KCNIP1: variants seen among roughly 807,000 people sequenced by gnomAD.
The protein encoded by KCNIP1 is potassium voltage-gated channel interacting protein 1, also known as A-type potassium channel modulatory protein KCNIP1.
KCNIP1 carries 18 observed loss-of-function variants against 33.0 expected under a neutral mutation model. The ratio of observed to expected loss-of-function variants is 0.55; its 90% CI spans 0.38 to 0.81. The LOEUF (loss-of-function observed/expected upper bound fraction) is 0.81. Ranked by LOEUF, KCNIP1 falls within the 30% of genes least tolerant of loss-of-function variation. The pLI is 0.00. For synonymous variants in KCNIP1, 93 were observed against 98.3 expected (o/e 0.95, Z 0.32); for missense variants, 238 against 271.6 (o/e 0.88, Z 0.87).
chr5:170,664,342 C>G (rs1184143552), intron 1 of KCNIP1, among the ~76,000 whole-genome samples: 1 of 152,156 alleles, frequency 6.6e-6, no homozygotes, highest in Non-Finnish European at 1.5e-5. Context: ...AGGCTCAGTT[C>G]CCCTCTTCAA....
chr5:170,678,232 G>A (rs1762215030), intron 1 of KCNIP1, among the ~76,000 whole-genome samples: 1 of 152,186 alleles, frequency 6.6e-6, no homozygotes, highest in Admixed American at 6.5e-5. Context: ...ACTCAGCTTG[G>A]GACATATGAG....
chr5:170,622,973 G>A (rs1012257000), intron 1 of KCNIP1, among the ~76,000 whole-genome samples: 13 of 152,232 alleles, frequency 8.5e-5, no homozygotes, highest in South Asian at 4.1e-4. Context: ...AAACTGTTCC[G>A]CCTCTGATCA....
chr5:170,557,111 A>T lies in KCNIP1; in HGVS notation c.61+52478A>T, dbSNP rs868399822. ...CCCATGCTCCAGTCCCAGCTCTGCC[A>T]CTTACTAACTGTGTGGCCTTGGCAA... On this transcript the variant is annotated intron_variant, in intron 1 of 7. Transcript: ENST00000328939. 5.3e-5 allele frequency among the ~76,000 whole-genome samples: 8 copies of T among 152,270 alleles called. No homozygotes were observed. The South Asian group carries it at 1.5e-3, about 28-fold the overall frequency.
chr5:170,605,296 C>T (rs1758863859), intron 1 of KCNIP1, among the ~76,000 whole-genome samples: 1 of 152,192 alleles, frequency 6.6e-6, no homozygotes, highest in Non-Finnish European at 1.5e-5. Context: ...CCCTACTCTG[C>T]TTCAAGACCA....
intron 5 of KCNIP1, among the ~76,000 whole-genome samples, chr5:170,730,823 A>C (rs1764168780): frequency 6.9e-6 from 1 of 145,914 alleles, no homozygotes; most frequent in Admixed American, 7.2e-5. Context: ...TATTATGCTG[A>C]AGGTATAAAA....
chr5:170,390,927 G>A (rs188075935), intron 1 of KCNIP1, among the ~76,000 whole-genome samples: 196 of 152,188 alleles, frequency 1.3e-3, no homozygotes, highest in African/African-American at 4.5e-3. Context: ...TCCAGCAGGC[G>A]CGAAATGAAG....
intron 1 of KCNIP1, among the ~76,000 whole-genome samples, chr5:170,485,639 C>T (rs531537307): frequency 1.3e-5 from 2 of 152,350 alleles, no homozygotes; most frequent in Admixed American, 6.5e-5. Flanking sequence ...AGCTTCACTT[C>T]CCTTCCCAAA....
At chr5:170,729,330 A>T (rs1049958612) in intron 5 of KCNIP1, among the ~76,000 whole-genome samples, 3 of 152,106 alleles carry the variant, frequency 2.0e-5, no homozygotes, top group Non-Finnish European at 4.4e-5. Flanking sequence ...ACTTGTTTTT[A>T]AAAATCTGCA....
chr5:170,723,832 AC>A (rs1255484799), intron 5 of KCNIP1, among the ~76,000 whole-genome samples: 1 of 152,222 alleles, frequency 6.6e-6, no homozygotes, highest in Non-Finnish European at 1.5e-5. Flanking sequence ...AACCAGTTAT[AC>A]AAAAAGCCAG....
At chr5:170,479,519 A>G (rs908668725) in intron 1 of KCNIP1, among the ~76,000 whole-genome samples, 2 of 152,242 alleles carry the variant, frequency 1.3e-5, no homozygotes, top group African/African-American at 4.8e-5. Flanking sequence ...GCAAAGGACC[A>G]AGAAAAGCTC....
chr5:170,386,493 G>A (rs944074262), intron 1 of KCNIP1, among the ~76,000 whole-genome samples: 4 of 152,164 alleles, frequency 2.6e-5, no homozygotes, highest in Non-Finnish European at 2.9e-5. Flanking sequence ...TGCGGTGAGC[G>A]AGCAGTACAT....
intron 1 of KCNIP1, among the ~76,000 whole-genome samples, chr5:170,616,915 TG>T (rs1333535472): frequency 2.0e-5 from 3 of 152,048 alleles, no homozygotes; most frequent in Non-Finnish European, 2.9e-5. Context: ...GTCCCTGAGC[TG>T]GGCTAGGGTC....
chr5:170,582,042 A>T (rs938240528), intron 1 of KCNIP1, among the ~76,000 whole-genome samples: 1 of 152,216 alleles, frequency 6.6e-6, no homozygotes, highest in Non-Finnish European at 1.5e-5. Context: ...TACCTGGACA[A>T]TGGCACCAAA....
chr5:170,366,464 T>C (rs796976107), intron 1 of KCNIP1, among the ~76,000 whole-genome samples: 13 of 152,342 alleles, frequency 8.5e-5, no homozygotes, highest in African/African-American at 2.4e-4. Flanking sequence ...GCATCTGCTG[T>C]GCCTGCTGGC....
At chr5:170,562,767 A>G (rs1348809272) in intron 1 of KCNIP1, among the ~76,000 whole-genome samples, 1 of 152,200 alleles carries the variant, frequency 6.6e-6, no homozygotes, top group Non-Finnish European at 1.5e-5. Flanking sequence ...GAGAAATCTG[A>G]CTTCCAGAGC....
At chr5:170,356,200 TTTTAA>T (rs1199704111) in intron 1 of KCNIP1, among the ~76,000 whole-genome samples, 1 of 152,234 alleles carries the variant, frequency 6.6e-6, no homozygotes, top group Non-Finnish European at 1.5e-5. Flanking sequence ...TGATTTCTGA[TTTTAA>T]TTTGATTTCA....
At chr5:170,652,401 C>T (rs1370326400) in intron 1 of KCNIP1, among the ~76,000 whole-genome samples, 1 of 148,726 alleles carries the variant, frequency 6.7e-6, no homozygotes, top group Non-Finnish European at 1.5e-5. Flanking sequence ...GGGAGGATAG[C>T]TTGAGCCCAG....
intron 1 of KCNIP1, among the ~76,000 whole-genome samples, chr5:170,387,446 G>A (rs1764523250): frequency 1.3e-5 from 2 of 152,120 alleles, no homozygotes; most frequent in South Asian, 2.1e-4. Flanking sequence ...GGGCATCTCC[G>A]CTAAAGGGAA....
intron 1 of KCNIP1, among the ~76,000 whole-genome samples, chr5:170,593,764 C>T (rs547747801): frequency 5.2e-4 from 79 of 152,270 alleles, no homozygotes; most frequent in African/African-American, 1.8e-3. Flanking sequence ...GTCACTCTCT[C>T]CCTGAGTGGA....
Sources: allele counts gnomAD v4.1 joint callset (sites outside exome capture counted in the v4.1 genomes callset), GRCh38; gene constraint gnomAD v4.1.1; transcripts MANE v1.5; gene names NCBI Gene and HGNC (gene_info 2026-07-23, HGNC 2026-07-21).